Variants in SAR1A observed in about 807,000 individuals in gnomAD.
SAR1A encodes the protein small COPII coat GTPase SAR1A.
SAR1A carries 6 observed loss-of-function variants against 22.6 expected under a neutral mutation model. The observed-to-expected ratio is 0.27, with a 90% CI of 0.15 to 0.52. SAR1A has a LOEUF of 0.52. SAR1A is among the 20% of genes least tolerant of loss of function. SAR1A has a pLI of 0.96. For missense variants in SAR1A, 145 were observed against 245.1 expected (o/e 0.59, Z 2.73); for synonymous variants, 70 against 82.2 (o/e 0.85, Z 0.80).
Position 70,153,877 on chromosome 10 carries a change from G to T in SAR1A, c.441C>A (p.Leu147=). 1.2e-6 allele frequency: 2 copies of T among 1,606,866 alleles called. No homozygotes were observed. The highest frequency in any genetic ancestry group is 8.5e-7 in the Non-Finnish European group (1 of 1,177,762). The change falls in exon 6 of 7, where the codon CTC becomes CTA. Residue 147 remains leucine (L), a synonymous_variant. Coordinates refer to ENST00000373241, the MANE Select transcript of SAR1A (RefSeq NM_020150.5). The part of the protein sequence containing the change: ...DRTDAISEEK[L]REIFGLYGQT... ...GTCCATAAAGCCCAAATATCTCACG[G>T]AGTTTTTCTTCACTGATTGCATCTG...
At chr10:70,165,125 C>T (rs1316193305) in intron 1 of SAR1A, among the ~76,000 whole-genome samples, 1 of 151,868 alleles carries the variant, frequency 6.6e-6, no homozygotes, top group Admixed American at 6.5e-5. Context: ...ATTAGCCGGG[C>T]GTAGTGGCGG....
intron 1 of SAR1A, among the ~76,000 whole-genome samples, chr10:70,166,140 G>A (rs575090868): frequency 6.3e-4 from 96 of 152,322 alleles, no homozygotes; most frequent in African/African-American, 2.0e-3. Flanking sequence ...TAGTGTAAAC[G>A]TAACTTTTAT....
chr10:70,149,547 A>ATTTTTTTTTTTTTTTTTTTTTTTTTTTT lies in SAR1A; in HGVS notation c.*2928_*2929insAAAAAAAAAAAAAAAAAAAAAAAAAAAA, dbSNP rs60858134. ...TTTTGCCAAATGTAGCATTTAATTG[A>ATTTTTTTTTTTTTTTTTTTTTTTTTTTT]TTTTTTTTTTTTTTTTTTTTTTGAG... On this transcript the variant is annotated 3_prime_UTR_variant, in exon 7 of 7. Coordinates refer to ENST00000373241, the MANE Select transcript of SAR1A (RefSeq NM_020150.5). The ATTTTTTTTTTTTTTTTTTTTTTTTTTTT allele has an allele frequency of 2.9e-4, 20 of 68,038 alleles. 6 individuals are homozygous for ATTTTTTTTTTTTTTTTTTTTTTTTTTTT. The highest frequency in any genetic ancestry group is 1.1e-3 in the African/African-American group (17 of 15,130). 4.2% of individuals were successfully genotyped at this position (68,038 alleles called of 1,614,324 possible). A position where few individuals can be genotyped will look rare whatever the true frequency, so the allele number is the denominator to read the frequency against.
At chr10:70,160,905 T>C in intron 4 of SAR1A, 99 bp downstream of exon 4, 2 of 711,822 alleles carry the variant, frequency 2.8e-6, no homozygotes, top group Middle Eastern at 3.1e-4. Context: ...AAAATGTAAG[T>C]AATTTAAAAG....
At chr10:70,157,673 T>C in intron 5 of SAR1A, 91 bp downstream of exon 5, 1 of 800,152 alleles carries the variant, frequency 1.2e-6, no homozygotes, top group Non-Finnish European at 2.0e-6. Flanking sequence ...GACTAATTAT[T>C]GGCACTACTG....
At chr10:70,157,401 C>CAAAA (rs55801259) in intron 5 of SAR1A, among the ~76,000 whole-genome samples, 1 of 131,258 alleles carries the variant, frequency 7.6e-6, no homozygotes, top group African/African-American at 3.0e-5. Context: ...AAGACTCCGT[C>CAAAA]AAAAAAAAAA....
At chr10:70,167,906 G>A (rs1240866955) in intron 1 of SAR1A, among the ~76,000 whole-genome samples, 1 of 152,158 alleles carries the variant, frequency 6.6e-6, no homozygotes, top group African/African-American at 2.4e-5. Flanking sequence ...AATTGAGTCC[G>A]CACTTTAAGG....
intron 1 of SAR1A, among the ~76,000 whole-genome samples, chr10:70,164,952 C>G (rs1424653824): frequency 6.6e-6 from 1 of 152,202 alleles, no homozygotes; most frequent in Non-Finnish European, 1.5e-5. Context: ...CTAACAACAT[C>G]CATTCTGCTT....
chr10:70,152,453 C>A lies in SAR1A; in HGVS notation c.*23G>T. The A allele has an allele frequency of 6.5e-7, 1 of 1,546,182 alleles. No individual in the cohort carries two copies. The highest frequency in any genetic ancestry group is 8.9e-7 in the Non-Finnish European group (1 of 1,117,994). On this transcript the variant is annotated 3_prime_UTR_variant, in exon 7 of 7. Transcript: ENST00000373241. ...AGGATCAGTCCAGAGAAGTAAAACT[C>A]TTTTATTTTCACCGTCCAAACATCA...
At chr10:70,155,852 G>A (rs1839381327) in intron 5 of SAR1A, among the ~76,000 whole-genome samples, 2 of 152,162 alleles carry the variant, frequency 1.3e-5, no homozygotes, top group South Asian at 2.1e-4. Flanking sequence ...TTCAAGGTAG[G>A]CAGTAAAAAG....
At position 70,147,551 on chromosome 10, in the gene SAR1A, A is replaced by AT. The variant is rs571232537; in HGVS notation, c.*4924dup. Reference sequence around the variant, plus strand: ...GACATTGAAATTTTAATTTCATACAATTTTTTGTGTCCAAAAATAGCATTC... The same window carrying AT: ...GACATTGAAATTTTAATTTCATACAATTTTTTTGTGTCCAAAAATAGCATTC... On this transcript the variant is annotated 3_prime_UTR_variant, in exon 7 of 7. Coordinates refer to ENST00000373241, the MANE Select transcript of SAR1A (RefSeq NM_020150.5). 1.2e-4 allele frequency: 19 copies of AT among 152,346 alleles called. No individual in the cohort carries two copies. Among genetic ancestry groups the AT allele is most frequent in the African/African-American group, 4.6e-4 (19 of 41,572 alleles). 9.4% of individuals were successfully genotyped at this position (152,346 alleles called of 1,614,324 possible).
chr10:70,154,736 C>T (rs993851805), intron 5 of SAR1A, among the ~76,000 whole-genome samples: 1 of 152,188 alleles, frequency 6.6e-6, no homozygotes, highest in Non-Finnish European at 1.5e-5. Context: ...GCTGGAATTA[C>T]AGGCATGAGC....
chr10:70,168,754 G>C lies in SAR1A; in HGVS notation c.-17+1659C>G, dbSNP rs80243316. Among the ~76,000 whole-genome samples the C allele has an allele frequency of 7.6e-4, 116 of 152,168 alleles. 1 individual carries two copies. The highest frequency in any genetic ancestry group is 2.6e-3 in the African/African-American group (109 of 41,496). Reference sequence around the variant, plus strand: ...CTGACTGAAGAAACTCTTCAGGTGAGCTAAAAATAATAAAAACCCTTACTA... The same window carrying C: ...CTGACTGAAGAAACTCTTCAGGTGACCTAAAAATAATAAAAACCCTTACTA... On this transcript the variant is annotated intron_variant, in intron 1 of 6. Coordinates refer to ENST00000373241, the MANE Select transcript of SAR1A (RefSeq NM_020150.5).
chr10:70,154,996 A>C (rs1478158010), intron 5 of SAR1A: 7 of 451,204 alleles, frequency 1.6e-5, no homozygotes, highest in African/African-American at 1.4e-4. Context: ...TAGGACAATA[A>C]TTCAGGAAGC....
At chr10:70,153,771 T>G in intron 6 of SAR1A, 67 bp downstream of exon 6, 2 of 1,329,130 alleles carry the variant, frequency 1.5e-6, no homozygotes, top group Non-Finnish European at 2.0e-6. Flanking sequence ...GTAATCTAGA[T>G]AGCGAAACAT....
chr10:70,158,048 C>G (rs775448572), intron 4 of SAR1A, among the ~76,000 whole-genome samples, 181 bp from the exon 5 acceptor site: 6 of 152,238 alleles, frequency 3.9e-5, no homozygotes, highest in Non-Finnish European at 8.8e-5. Context: ...GGTCCATGAG[C>G]TGAACCTGAT....
Position 70,153,820 on chromosome 10 carries a change from C to T in SAR1A, c.480+18G>A. 6.4e-7 allele frequency: 1 copy of T among 1,566,354 alleles called. No homozygotes were observed. The highest frequency in any genetic ancestry group is 2.1e-5 in the Admixed American group (1 of 47,060). On this transcript the variant is annotated intron_variant, in intron 6 of 6. Coordinates refer to ENST00000373241, the MANE Select transcript of SAR1A (RefSeq NM_020150.5). The stretch of plus-strand genomic sequence containing the variant: ...CTGTTAATGTCCTTTATATGTAACC[C>T]AAATATTTTTCTCTTACCTTTCCTG...
rs1839308297 is a variant in SAR1A, at chr10:70,150,039, C to T, written c.*2437G>A. The T allele has an allele frequency of 6.6e-6, 1 of 152,058 alleles. No individual in the cohort carries two copies. Among genetic ancestry groups the T allele is most frequent in the Non-Finnish European group, 1.5e-5 (1 of 68,026 alleles). 9.4% of individuals were successfully genotyped at this position (152,058 alleles called of 1,614,324 possible). On this transcript the variant is annotated 3_prime_UTR_variant, in exon 7 of 7. Coordinates refer to ENST00000373241, the MANE Select transcript of SAR1A (RefSeq NM_020150.5). ...TACTAAATCTATTACTTCTAGTACC[C>T]CAGCCTTTTTCCCCCTCCTGGTGGC...
chr10:70,157,419 A>C (rs1408855658), intron 5 of SAR1A, among the ~76,000 whole-genome samples: 1 of 108,878 alleles, frequency 9.2e-6, no homozygotes, highest in Non-Finnish European at 2.0e-5. Flanking sequence ...AAAAAAAAAA[A>C]AAAAAAAAAA....
Sources: gnomAD v4.1 joint callset for allele counts (sites outside exome capture counted in the v4.1 genomes callset) on GRCh38, gnomAD v4.1.1 for gene constraint, MANE v1.5 for transcripts, NCBI Gene and HGNC (gene_info 2026-07-23, HGNC 2026-07-21) for gene names.